The following RNF10 variants were observed in gnomAD, a reference collection of about 807,000 sequenced individuals.
RNF10 encodes the protein ring finger protein 10, also known as E3 ubiquitin-protein ligase RNF10.
Under a neutral mutation model 91.4 loss-of-function variants are expected in RNF10, and 38 were observed. The observed-to-expected ratio is 0.42, with a 90% confidence interval of 0.32 to 0.54. RNF10 has a LOEUF of 0.54. Ranked by LOEUF, RNF10 falls within the 20% of genes least tolerant of loss-of-function variation. The probability of loss-of-function intolerance (pLI) is 0.16; values close to 1 mark genes in which losing one functional copy is unlikely to be tolerated. For missense variants in RNF10, 945 were observed against 1,012.0 expected (o/e 0.93, Z 0.90); for synonymous variants, 364 against 366.3 (o/e 0.99, Z 0.07).
chr12:120,555,490 C>CT (rs775906667), intron 4 of RNF10, among the ~76,000 whole-genome samples: 7,222 of 120,508 alleles, frequency 0.06, 274 homozygotes, highest in Middle Eastern at 0.12. Flanking sequence ...CCCAGTTGTA[C>CT]TTTTTTTTTT....
rs1872332010 is a variant in RNF10 at position 120,546,347 on chromosome 12, G to C, written c.158-58G>C. The C allele has an allele frequency of 1.3e-6, 2 of 1,520,160 alleles. 1 individual carries two copies. The highest frequency in any genetic ancestry group is 2.4e-5 in the South Asian group (2 of 82,380). The allele number at this position is 1,520,160 out of a possible 1,614,324, so 94.2% of individuals were successfully genotyped here. A position where few individuals can be genotyped will look rare whatever the true frequency, so the allele number is the denominator to read the frequency against. On this transcript the variant is annotated intron_variant, in intron 1 of 16. Transcript: ENST00000325954. ...ATTTTTTGCTGGGAGGTGGAGGGCA[G>C]TTGGCTAAGTGAATGTATCAGCTTC...
intron 1 of RNF10, among the ~76,000 whole-genome samples, chr12:120,537,136 C>T (rs1870936684): frequency 6.6e-6 from 1 of 151,576 alleles, no homozygotes; most frequent in African/African-American, 2.4e-5. Context: ...AGTTCGAGAC[C>T]CTGTCCTACA....
chr12:120,560,689 A>G (rs755055689), intron 6 of RNF10, 37 bp from the exon 7 acceptor site: 9 of 1,595,100 alleles, frequency 5.6e-6, no homozygotes, highest in Middle Eastern at 1.7e-4. Context: ...TGAGCTTTGA[A>G]TGTTGCATTT....
At chr12:120,540,779 G>GA (rs1252745919) in intron 1 of RNF10, among the ~76,000 whole-genome samples, 2 of 151,942 alleles carry the variant, frequency 1.3e-5, no homozygotes, top group Non-Finnish European at 2.9e-5. Flanking sequence ...TAAGCATTAT[G>GA]AAACTGTTTC....
chr12:120,537,340 A>T (rs142248705), intron 1 of RNF10, among the ~76,000 whole-genome samples: 194 of 150,688 alleles, frequency 1.3e-3, no homozygotes, highest in African/African-American at 4.6e-3. Flanking sequence ...GTAAAAACTC[A>T]TGTAGGCCGG....
intron 12 of RNF10, 60 bp downstream of exon 12, chr12:120,565,589 G>A: frequency 2.1e-6 from 3 of 1,454,682 alleles, no homozygotes; most frequent in Non-Finnish European, 2.9e-6. Flanking sequence ...ATAGAACTCT[G>A]TGTCTGGGAC....
At chr12:120,576,457 T>C in intron 16 of RNF10, 133 bp from the exon 17 acceptor site, 4 of 1,346,220 alleles carry the variant, frequency 3.0e-6, no homozygotes, top group Non-Finnish European at 4.0e-6. Flanking sequence ...CCAAGACTGG[T>C]ATTGGCATCT....
At chr12:120,571,332 A>G (rs1364446968) in intron 14 of RNF10, 41 bp downstream of exon 14, 3 of 1,371,072 alleles carry the variant, frequency 2.2e-6, no homozygotes, top group Admixed American at 3.4e-5. Context: ...GGTATTTAAC[A>G]TGAACTCTGC....
At chr12:120,553,061 T>G (rs534610783) in intron 3 of RNF10, among the ~76,000 whole-genome samples, 177 of 5,628 alleles carry the variant, frequency 0.031, 13 homozygotes, top group African/African-American at 0.064. Context: ...TTTTTTTTTT[T>G]TTTTTTTTTT....
intron 3 of RNF10, among the ~76,000 whole-genome samples, chr12:120,553,038 G>GTTTTTTTTTTTTTTTTTTTTTTTTTTTTT (rs3049493): frequency 1.1e-5 from 1 of 90,938 alleles, no homozygotes; most frequent in Admixed American, 1.5e-4. Flanking sequence ...AAGAGGAAAG[G>GTTTTTTTTTTTTTTTTTTTTTTTTTTTTT]TTTTTTTTTT....
intron 16 of RNF10, 56 bp downstream of exon 16, chr12:120,576,006 C>G: frequency 6.4e-7 from 1 of 1,569,942 alleles, no homozygotes; most frequent in African/African-American, 1.3e-5. Flanking sequence ...CATGTACTGC[C>G]ATTCCCGCCT....
At chr12:120,552,391 C>G (rs1873235482) in intron 2 of RNF10, 108 bp from the exon 3 acceptor site, 3 of 878,374 alleles carry the variant, frequency 3.4e-6, no homozygotes, top group South Asian at 3.4e-5. Context: ...CAGAGTAAGA[C>G]TCCGTCTCAA....
chr12:120,558,435 A>AT (rs1360661140), intron 6 of RNF10, among the ~76,000 whole-genome samples: 13 of 151,514 alleles, frequency 8.6e-5, no homozygotes, highest in Non-Finnish European at 1.6e-4. Flanking sequence ...AACTTAAAAC[A>AT]TTAAAAATGT....
At chr12:120,552,131 A>G (rs1467029682) in intron 2 of RNF10, among the ~76,000 whole-genome samples, 1 of 148,668 alleles carries the variant, frequency 6.7e-6, no homozygotes, top group Non-Finnish European at 1.5e-5. Flanking sequence ...GAGGTGGCTC[A>G]TGCCTGTAAT....
intron 2 of RNF10, 108 bp downstream of exon 2, chr12:120,546,709 T>C (rs1187689453): frequency 4.1e-6 from 4 of 979,360 alleles, no homozygotes; most frequent in Non-Finnish European, 5.9e-6. Flanking sequence ...GGTAGAGGAA[T>C]AGATAATCAA....
At chr12:120,549,621 C>T (rs2137164469) in intron 2 of RNF10, among the ~76,000 whole-genome samples, 2 of 152,120 alleles carry the variant, frequency 1.3e-5, no homozygotes, top group South Asian at 4.2e-4. Context: ...TCTGTCTCTA[C>T]TAAAAATACA....
At position 120,546,535 on chromosome 12, in the gene RNF10, T is replaced by G. The variant is rs774076897; in HGVS notation, c.288T>G (p.Pro96=). ...AAAGCAAGACTTTTAACAAGATGCC[T>G]CCTCAAAGGGGCGGCGGCAGCAGCA... ...SQKSKTFNKM[P]PQRGGGSSKL... is the part of the protein sequence containing the mutation. The change falls in exon 2 of 17, where the codon CCT becomes CCG. Residue 96 remains proline (P), a synonymous_variant. Transcript: ENST00000325954. 7 of 1,614,096 alleles carry G rather than the reference T, an allele frequency of 4.3e-6. No homozygotes were observed. The South Asian group carries it at 4.4e-5, about 10-fold the overall frequency.
chr12:120,564,403 T>G (rs1875362683), intron 10 of RNF10, among the ~76,000 whole-genome samples: 1 of 152,120 alleles, frequency 6.6e-6, no homozygotes, highest in Non-Finnish European at 1.5e-5. Context: ...TTGGGAGGCC[T>G]ACTCAGGCAG....
intron 1 of RNF10, 130 bp from the exon 2 acceptor site, chr12:120,546,275 G>C: frequency 1.3e-6 from 1 of 747,296 alleles, no homozygotes; most frequent in South Asian, 1.8e-5. Flanking sequence ...TCATGCTCTG[G>C]CCCAAACCCA....
Sources: allele counts gnomAD v4.1 joint callset (sites outside exome capture counted in the v4.1 genomes callset), GRCh38; gene constraint gnomAD v4.1.1; transcripts MANE v1.5; gene names NCBI Gene and HGNC (gene_info 2026-07-23, HGNC 2026-07-21).